The following DCLK1 variants were observed in gnomAD, a reference collection of about 807,000 sequenced individuals.
The protein encoded by DCLK1 is serine/threonine-protein kinase DCLK1.
In DCLK1, 16 loss-of-function variants were observed where a neutral mutation model predicts 86.2. That is an observed-to-expected ratio of 0.19 (90% confidence interval 0.13 to 0.28). The LOEUF (loss-of-function observed/expected upper bound fraction) is 0.28, where lower values mean the gene tolerates loss of function less well. Ranked by LOEUF, DCLK1 falls within the 10% of genes least tolerant of loss-of-function variation. DCLK1 has a pLI of 1.00. For missense variants in DCLK1, 590 were observed against 940.2 expected (o/e 0.63, Z 4.87); for synonymous variants, 369 against 370.5 (o/e 1.00, Z 0.05).
chr13:36,050,296 T>A (rs1248373634), intron 3 of DCLK1, among the ~76,000 whole-genome samples: 1 of 152,176 alleles, frequency 6.6e-6, no homozygotes, highest in African/African-American at 2.4e-5. Flanking sequence ...AATATCTTGA[T>A]ATACTAAAAA....
intron 4 of DCLK1, among the ~76,000 whole-genome samples, chr13:35,886,337 T>A (rs1873241233): frequency 6.6e-6 from 1 of 152,190 alleles, no homozygotes; most frequent in African/African-American, 2.4e-5. Flanking sequence ...AACTTTCATT[T>A]CTTTCCAAGG....
intron 5 of DCLK1, among the ~76,000 whole-genome samples, chr13:35,866,960 G>T (rs1871840218): frequency 6.6e-6 from 1 of 152,164 alleles, no homozygotes; most frequent in African/African-American, 2.4e-5. Flanking sequence ...CTGAGAGAGG[G>T]GTTTCCCTGA....
At chr13:35,844,000 G>A (rs187175585) in intron 6 of DCLK1, among the ~76,000 whole-genome samples, 17 of 152,202 alleles carry the variant, frequency 1.1e-4, no homozygotes, top group African/African-American at 4.1e-4. Context: ...ATACAGAAAA[G>A]CCAGACATTT....
intron 6 of DCLK1, among the ~76,000 whole-genome samples, chr13:35,842,535 A>T (rs1351866116): frequency 6.6e-6 from 1 of 152,166 alleles, no homozygotes; most frequent in African/African-American, 2.4e-5. Context: ...CTGGTGCTTG[A>T]AAGTGAATGC....
chr13:36,096,821 A>G (rs1275675745), intron 3 of DCLK1, among the ~76,000 whole-genome samples: 1 of 152,192 alleles, frequency 6.6e-6, no homozygotes, highest in Non-Finnish European at 1.5e-5. Flanking sequence ...ATAGACCCCA[A>G]GGAAGCATCC....
At chr13:35,827,036 C>A (rs1031020800) in intron 10 of DCLK1, among the ~76,000 whole-genome samples, 3 of 152,192 alleles carry the variant, frequency 2.0e-5, no homozygotes, top group Non-Finnish European at 4.4e-5. Context: ...AGGTAAGAGA[C>A]CTTTCATCTC....
chr13:35,978,315 C>T (rs1266532360), intron 3 of DCLK1, among the ~76,000 whole-genome samples: 1 of 147,928 alleles, frequency 6.8e-6, no homozygotes, highest in Non-Finnish European at 1.5e-5. Context: ...AAGCTATTCT[C>T]CTGCCTCAGC....
chr13:35,785,405 G>A (rs1292063941), intron 16 of DCLK1, among the ~76,000 whole-genome samples: 1 of 151,996 alleles, frequency 6.6e-6, no homozygotes, highest in African/African-American at 2.4e-5. Flanking sequence ...TCAGGAGAGT[G>A]TGCAATAGCC....
intron 4 of DCLK1, among the ~76,000 whole-genome samples, chr13:35,921,148 C>T (rs1489249083): frequency 6.6e-6 from 1 of 152,138 alleles, no homozygotes; most frequent in Non-Finnish European, 1.5e-5. Flanking sequence ...CCTGCTGGGA[C>T]CACATCCTAT....
rs1311677449 is a variant in DCLK1 at position 36,116,453 on chromosome 13, TG to T, written c.377-4239del. 1.6e-4 allele frequency among the ~76,000 whole-genome samples: 24 copies of T among 152,318 alleles called. No individual in the cohort carries two copies. The East Asian group carries it at 4.6e-3, about 29-fold the overall frequency. On this transcript the variant is annotated intron_variant, in intron 2 of 16. Coordinates refer to ENST00000360631, the MANE Select transcript of DCLK1 (RefSeq NM_001330071.2). Reference sequence around the variant, plus strand: ...ATGTGGTACCTGTTCCCTGGGTGACTGGGCCTGCAGTGTGTCAGCTATAAAA... The same window carrying T: ...ATGTGGTACCTGTTCCCTGGGTGACTGGCCTGCAGTGTGTCAGCTATAAAA...
chr13:35,951,203 A>T (rs907671526), intron 3 of DCLK1, among the ~76,000 whole-genome samples: 1 of 151,532 alleles, frequency 6.6e-6, no homozygotes, highest in Non-Finnish European at 1.5e-5. Flanking sequence ...TAGTTGGGAC[A>T]TGGTGCCTGA....
intron 3 of DCLK1, among the ~76,000 whole-genome samples, chr13:36,072,614 G>A (rs1356572068): frequency 1.3e-5 from 2 of 152,118 alleles, no homozygotes; most frequent in Non-Finnish European, 2.9e-5. Context: ...CTAAAACTGA[G>A]CACATCTCTT....
intron 3 of DCLK1, among the ~76,000 whole-genome samples, chr13:36,054,100 G>T (rs1395814624): frequency 2.0e-5 from 3 of 152,194 alleles, no homozygotes; most frequent in Non-Finnish European, 4.4e-5. Flanking sequence ...TTGGAAGATA[G>T]AGACAATGTC....
At position 36,007,485 on chromosome 13, in the gene DCLK1, A is replaced by T. The variant is rs188271343; in HGVS notation, c.724-60028T>A. On this transcript the variant is annotated intron_variant, in intron 3 of 16. Coordinates refer to ENST00000360631, the MANE Select transcript of DCLK1 (RefSeq NM_001330071.2). Reference sequence around the variant, plus strand: ...AATCTCCGCCAAATTCCCTTGGAGAATCCTCAAAATATCTTGGGGTTGTGA... The same window carrying T: ...AATCTCCGCCAAATTCCCTTGGAGATTCCTCAAAATATCTTGGGGTTGTGA... Among the ~76,000 whole-genome samples the T allele has an allele frequency of 3.5e-3, 528 of 152,328 alleles. 4 individuals are homozygous for T. Among genetic ancestry groups the T allele is most frequent in the African/African-American group, 0.012 (506 of 41,570 alleles).
At chr13:35,788,253 C>A in intron 16 of DCLK1, 9 of 1,613,982 alleles carry the variant, frequency 5.6e-6, no homozygotes, top group Non-Finnish European at 7.6e-6. Flanking sequence ...AGTCCAAAGA[C>A]CCTGATCTCT....
intron 3 of DCLK1, among the ~76,000 whole-genome samples, chr13:36,075,809 G>C (rs1453801745): frequency 6.6e-6 from 1 of 152,146 alleles, no homozygotes; most frequent in Non-Finnish European, 1.5e-5. Context: ...CTGAGGTCAG[G>C]AGTTTGAGAC....
At chr13:36,048,092 A>G (rs1882988348) in intron 3 of DCLK1, among the ~76,000 whole-genome samples, 1 of 152,216 alleles carries the variant, frequency 6.6e-6, no homozygotes, top group South Asian at 2.1e-4. Context: ...TCATTCCACA[A>G]TGTATGCATA....
At chr13:36,096,240 T>C (rs926159042) in intron 3 of DCLK1, among the ~76,000 whole-genome samples, 5 of 152,200 alleles carry the variant, frequency 3.3e-5, no homozygotes, top group African/African-American at 1.2e-4. Context: ...GGCCTTTGAA[T>C]CTCAGCCAGA....
At chr13:36,023,085 T>G (rs1274715537) in intron 3 of DCLK1, among the ~76,000 whole-genome samples, 1 of 152,156 alleles carries the variant, frequency 6.6e-6, no homozygotes, top group Non-Finnish European at 1.5e-5. Context: ...AATGCAGGAT[T>G]GGTTTAATAT....
Sources: gnomAD v4.1 joint callset for allele counts (sites outside exome capture counted in the v4.1 genomes callset) on GRCh38, gnomAD v4.1.1 for gene constraint, MANE v1.5 for transcripts, NCBI Gene and HGNC (gene_info 2026-07-23, HGNC 2026-07-21) for gene names.